Variants in FKTN observed in about 807,000 individuals in gnomAD.
FKTN encodes the protein fukutin.
A neutral mutation model predicts 58.6 loss-of-function variants in FKTN; 47 were observed. The observed-to-expected ratio is 0.80, with a 90% CI of 0.63 to 1.02. FKTN has a LOEUF of 1.02. Among genes scored for constraint, FKTN ranks in the 50% least tolerant of loss-of-function variants. The pLI, the probability that FKTN is intolerant of heterozygous loss-of-function variation, is 0.00. For missense variants in FKTN, 516 were observed against 537.3 expected, an observed-to-expected ratio of 0.96 and a Z score of 0.39; for synonymous variants, 178 against 191.9, an observed-to-expected ratio of 0.93 and a Z score of 0.60.
chr9:105,605,487 C>G (rs1314901973), intron 6 of FKTN, among the ~76,000 whole-genome samples: 1 of 151,982 alleles, frequency 6.6e-6, no homozygotes, highest in Non-Finnish European at 1.5e-5. Flanking sequence ...ATAATATAAC[C>G]ACTGTTGATA....
rs577911968 is a variant in FKTN, at chr9:105,616,920, T to C, written c.911-1039T>C. Among the ~76,000 whole-genome samples, 3 of 151,948 alleles carry C rather than the reference T, an allele frequency of 2.0e-5. No homozygotes were observed. In the South Asian group the frequency reaches 6.2e-4, roughly 32 times the overall value. Reference sequence around the variant, plus strand: ...GTACATCTCACACATTTATGTGATATTTGCTTTAAGGTTTAATTTTTTAGA... The same window carrying C: ...GTACATCTCACACATTTATGTGATACTTGCTTTAAGGTTTAATTTTTTAGA... On this transcript the variant is annotated intron_variant, in intron 8 of 10. Coordinates refer to ENST00000357998, the MANE Select transcript of FKTN (RefSeq NM_001079802.2).
rs542087028 is a variant in FKTN at position 105,564,051 on chromosome 9, AC to A, written c.-181+5888del. ...CCCAGGCAAACAGGATCTGGAGTGGACCTCCAGCAAACTCCAACAGACCTGC... is the reference window on the plus strand; with the variant it reads ...CCCAGGCAAACAGGATCTGGAGTGGACTCCAGCAAACTCCAACAGACCTGC... On this transcript the variant is annotated intron_variant, in intron 1 of 10. Transcript: ENST00000357998. Among the ~76,000 whole-genome samples, 1,294 of 152,284 alleles carry A rather than the reference AC, an allele frequency of 8.5e-3. 12 individuals carry two copies. The highest frequency in any genetic ancestry group is 0.024 in the Middle Eastern group (7 of 294).
chr9:105,604,074 A>G, intron 5 of FKTN, 141 bp from the exon 6 acceptor site: 1 of 804,496 alleles, frequency 1.2e-6, no homozygotes, highest in Non-Finnish European at 2.1e-6. Context: ...TCATTAAAAA[A>G]TGTTCTTACA....
At chr9:105,582,258 C>T (rs1331350047) in intron 3 of FKTN, among the ~76,000 whole-genome samples, 1 of 132,944 alleles carries the variant, frequency 7.5e-6, no homozygotes, top group Non-Finnish European at 1.6e-5. Context: ...GTGGCATAAT[C>T]ATAGCTCACT....
chr9:105,637,710 T>C lies in FKTN; in HGVS notation c.*2446T>C. On this transcript the variant is annotated 3_prime_UTR_variant, in exon 11 of 11. Transcript: ENST00000357998. ...TTACCTGGGGAAGTTGACAACTTGT[T>C]GGTAGTTAGGCACCCATGAATGTCT... 1.0e-6 allele frequency: 1 copy of C among 985,414 alleles called. No homozygotes were observed. The highest frequency in any genetic ancestry group is 1.2e-6 in the Non-Finnish European group (1 of 829,940). The allele number at this position is 985,414 out of a possible 1,614,324, so 61.0% of individuals were successfully genotyped here.
intron 3 of FKTN, among the ~76,000 whole-genome samples, chr9:105,576,388 T>G (rs886663121): frequency 1.1e-4 from 17 of 151,874 alleles, no homozygotes; most frequent in African/African-American, 3.6e-4. Flanking sequence ...TCATTGTTCA[T>G]TTCCCACCTA....
intron 3 of FKTN, among the ~76,000 whole-genome samples, chr9:105,588,743 A>G (rs928624324): frequency 4.6e-5 from 7 of 152,224 alleles, no homozygotes; most frequent in Admixed American, 1.3e-4. Flanking sequence ...TACCTATGGA[A>G]TAAGAACCAA....
chr9:105,560,169 G>A (rs1193576961), intron 1 of FKTN, among the ~76,000 whole-genome samples: 2 of 152,146 alleles, frequency 1.3e-5, no homozygotes, highest in East Asian at 1.9e-4. Flanking sequence ...TATGTTTCAA[G>A]CACTGCTGGT....
At chr9:105,618,120 A>G (rs1564326665) in intron 9 of FKTN, 28 bp downstream of exon 9, 13 of 1,585,022 alleles carry the variant, frequency 8.2e-6, no homozygotes, top group South Asian at 1.1e-5. Flanking sequence ...GCTTCATTTC[A>G]TAAGTAACAT....
At chr9:105,587,045 T>C (rs531915325) in intron 3 of FKTN, among the ~76,000 whole-genome samples, 37 of 152,336 alleles carry the variant, frequency 2.4e-4, no homozygotes, top group African/African-American at 8.9e-4. Flanking sequence ...ATGAGATGGC[T>C]TTAAGGAATG....
chr9:105,591,402 C>G (rs904921638), intron 3 of FKTN, among the ~76,000 whole-genome samples: 1 of 152,186 alleles, frequency 6.6e-6, no homozygotes, highest in Non-Finnish European at 1.5e-5. Flanking sequence ...TACTCCTGTT[C>G]CAAAAGGGAG....
At chr9:105,591,934 C>T (rs1844952494) in intron 3 of FKTN, among the ~76,000 whole-genome samples, 1 of 152,250 alleles carries the variant, frequency 6.6e-6, no homozygotes, top group African/African-American at 2.4e-5. Flanking sequence ...GCAGCCTCAG[C>T]TATACCTGTG....
intron 1 of FKTN, among the ~76,000 whole-genome samples, chr9:105,563,439 G>A (rs1280454224): frequency 1.3e-5 from 2 of 152,148 alleles, no homozygotes; most frequent in Non-Finnish European, 2.9e-5. Flanking sequence ...TGGAAAATCG[G>A]GTCACTCCCA....
At chr9:105,592,005 T>A (rs1304314264) in intron 3 of FKTN, among the ~76,000 whole-genome samples, 1 of 152,240 alleles carries the variant, frequency 6.6e-6, no homozygotes, top group African/African-American at 2.4e-5. Context: ...GTCTTGAGGC[T>A]ACTCAGGGTG....
intron 5 of FKTN, among the ~76,000 whole-genome samples, chr9:105,602,642 G>A (rs1033826155): frequency 1.8e-4 from 28 of 152,122 alleles, no homozygotes; most frequent in African/African-American, 5.8e-4. Flanking sequence ...TGCAATCTCC[G>A]CCTCCCAGGC....
chr9:105,617,460 G>T (rs777633816), intron 8 of FKTN, among the ~76,000 whole-genome samples: 1 of 152,112 alleles, frequency 6.6e-6, no homozygotes, highest in Non-Finnish European at 1.5e-5. Flanking sequence ...AAATATATTG[G>T]TTAAGCAAAA....
intron 5 of FKTN, among the ~76,000 whole-genome samples, chr9:105,602,712 C>T (rs533321350): frequency 2.0e-5 from 3 of 152,184 alleles, no homozygotes; most frequent in East Asian, 1.9e-4. Flanking sequence ...TGTGCCACCA[C>T]GTGTGACTGA....
At chr9:105,618,138 T>A in intron 9 of FKTN, 46 bp downstream of exon 9, 1 of 1,520,884 alleles carries the variant, frequency 6.6e-7, no homozygotes, top group Non-Finnish European at 9.1e-7. Flanking sequence ...CATATCTCAC[T>A]TGTAAAGTTT....
intron 10 of FKTN, chr9:105,622,922 C>T (rs556425275): frequency 1.1e-4 from 17 of 152,134 alleles, no homozygotes; most frequent in African/African-American, 3.6e-4. Flanking sequence ...TTTCTTCCTC[C>T]GTCTCATGAT....
Sources: gnomAD v4.1 joint callset for allele counts (sites outside exome capture counted in the v4.1 genomes callset) on GRCh38, gnomAD v4.1.1 for gene constraint, MANE v1.5 for transcripts, NCBI Gene and HGNC (gene_info 2026-07-23, HGNC 2026-07-21) for gene names.